The following DNAH9 variants were observed in gnomAD, a reference collection of about 807,000 sequenced individuals.
DNAH9 encodes DNAH9 variant protein.
Under a neutral mutation model 471.6 loss-of-function variants are expected in DNAH9, and 345 were observed. That is an observed-to-expected ratio of 0.73 (90% confidence interval 0.67 to 0.80). The LOEUF (loss-of-function observed/expected upper bound fraction) is 0.80. DNAH9 is among the 30% of genes least tolerant of loss of function. DNAH9 has a pLI of 0.00. For missense variants in DNAH9, 5,407 were observed against 5,609.2 expected, an observed-to-expected ratio of 0.96 and a Z score of 1.15; for synonymous variants, 2,093 against 2,123.6, an observed-to-expected ratio of 0.99 and a Z score of 0.40.
In DNAH9 at chr17:11,871,688, C is replaced by A; in HGVS notation, c.10144C>A (p.Leu3382Ile). 1 of 1,614,200 alleles carries A rather than the reference C, an allele frequency of 6.2e-7. No homozygotes were observed. Among genetic ancestry groups the A allele is most frequent in the South Asian group, 1.1e-5 (1 of 91,088 alleles). ...QERTLCGDILLITAFISYLGF... is the reference protein window; with the variant it reads ...QERTLCGDILIITAFISYLGF... ...AAGGACGTTATGTGGAGACATTTTA[C>A]TTATAACGGCTTTCATTTCCTACCT... Residue 3382 changes from leucine to isoleucine, a missense_variant, in exon 52 of 69, where the codon CTT becomes ATT. Coordinates refer to ENST00000262442, the MANE Select transcript of DNAH9 (RefSeq NM_001372.4).
chr17:11,830,445 G>T (rs1160383618), intron 48 of DNAH9, among the ~76,000 whole-genome samples: 2 of 152,146 alleles, frequency 1.3e-5, no homozygotes, highest in African/African-American at 4.8e-5. Flanking sequence ...TTTATCTTGG[G>T]GTTTTCAAAT....
At chr17:11,881,910 C>A (rs1184668994) in intron 55 of DNAH9, among the ~76,000 whole-genome samples, 3 of 149,542 alleles carry the variant, frequency 2.0e-5, no homozygotes. Flanking sequence ...GGTTCTGTCT[C>A]AAAAAAAAGA....
intron 67 of DNAH9, among the ~76,000 whole-genome samples, chr17:11,942,873 C>T (rs185170191): frequency 1.7e-4 from 26 of 150,594 alleles, no homozygotes; most frequent in Admixed American, 1.5e-3. Context: ...TGACTGCTGT[C>T]GATTTACATT....
chr17:11,849,179 G>A lies in DNAH9; in HGVS notation c.9508-4824G>A, dbSNP rs1310225432. 3.9e-5 allele frequency among the ~76,000 whole-genome samples: 6 copies of A among 152,104 alleles called. No homozygotes were observed. The East Asian group carries it at 5.8e-4, about 15-fold the overall frequency. ...TCATAAGTTCTGCCTACACTAGCTC[G>A]AAAATATGTCCCAAATCCAATCACT... On this transcript the variant is annotated intron_variant, in intron 49 of 68. Transcript: ENST00000262442.
intron 28 of DNAH9, among the ~76,000 whole-genome samples, chr17:11,728,894 T>C (rs981113994): frequency 2.6e-5 from 4 of 152,208 alleles, no homozygotes; most frequent in Non-Finnish European, 4.4e-5. Flanking sequence ...GGGTAGACTT[T>C]TGGAAAGTGG....
At chr17:11,868,430 A>T (rs961120955) in intron 50 of DNAH9, among the ~76,000 whole-genome samples, 7 of 152,248 alleles carry the variant, frequency 4.6e-5, no homozygotes, top group African/African-American at 1.4e-4. Flanking sequence ...TCAGAGGACA[A>T]CAAAAGCTAC....
chr17:11,749,538 G>A (rs1051285125), intron 32 of DNAH9, among the ~76,000 whole-genome samples: 3 of 150,904 alleles, frequency 2.0e-5, no homozygotes, highest in Admixed American at 6.6e-5. Context: ...TTTAGCATCT[G>A]GGATTTCTAT....
intron 45 of DNAH9, among the ~76,000 whole-genome samples, chr17:11,817,000 A>T (rs1970121797): frequency 1.3e-5 from 2 of 152,072 alleles, no homozygotes; most frequent in Non-Finnish European, 2.9e-5. Flanking sequence ...CAGAGCTTGC[A>T]GTGAGCCGAG....
intron 68 of DNAH9, among the ~76,000 whole-genome samples, chr17:11,963,547 C>T (rs1019909160): frequency 5.9e-5 from 9 of 151,844 alleles, no homozygotes; most frequent in Non-Finnish European, 1.2e-4. Flanking sequence ...AACTAACTAT[C>T]CGGTACTATG....
intron 8 of DNAH9, among the ~76,000 whole-genome samples, chr17:11,633,093 G>A (rs920109124): frequency 3.9e-5 from 6 of 152,096 alleles, no homozygotes; most frequent in African/African-American, 7.2e-5. Context: ...TTCAGGCATC[G>A]ATAACTGGAA....
In DNAH9 at chr17:11,717,894, G is replaced by A. The variant is rs369174923; in HGVS notation, c.5553-1440G>A. Reference sequence around the variant, plus strand: ...TGACAACATATAATCTCTTTTTTGAGACAGGGTTTCACTGTGTCACCCAGG... The same window carrying A: ...TGACAACATATAATCTCTTTTTTGAAACAGGGTTTCACTGTGTCACCCAGG... On this transcript the variant is annotated intron_variant, in intron 26 of 68. Transcript: ENST00000262442. 1.4e-4 allele frequency among the ~76,000 whole-genome samples: 22 copies of A among 152,032 alleles called. No homozygotes were observed. In the East Asian group the frequency reaches 4.2e-3, roughly 29 times the overall value.
At chr17:11,631,538 G>C (rs192775605) in intron 7 of DNAH9, among the ~76,000 whole-genome samples, 50 of 152,060 alleles carry the variant, frequency 3.3e-4, no homozygotes, top group Admixed American at 5.9e-4. Flanking sequence ...TCAATTACTT[G>C]GGAGGCTGAG....
chr17:11,969,663 A>G lies in DNAH9; in HGVS notation c.*136A>G. 1 of 755,720 alleles carries G rather than the reference A, an allele frequency of 1.3e-6. No individual in the cohort carries two copies. Among genetic ancestry groups the G allele is most frequent in the Non-Finnish European group, 2.1e-6 (1 of 479,820 alleles). The allele number at this position is 755,720 out of a possible 1,614,324, so 46.8% of individuals were successfully genotyped here. A position where few individuals can be genotyped will look rare whatever the true frequency, so the allele number is the denominator to read the frequency against. ...ACTCACAATTCTGTAGAATTCCTCT[A>G]GGGAACTTGGAGAGGTGTGCCTAAG... On this transcript the variant is annotated 3_prime_UTR_variant, in exon 69 of 69. Transcript: ENST00000262442.
At position 11,784,337 on chromosome 17, in the gene DNAH9, C is replaced by A. The variant is rs1364551620; in HGVS notation, c.7859C>A (p.Ala2620Glu). Reference protein sequence around the residue: ...FSVFVLSFPGADALSSIYSII... With the variant: ...FSVFVLSFPGEDALSSIYSII... ...GTGTTTGTCCTCTCCTTCCCGGGGG[C>A]AGATGCCCTGTCCTCTATCTACAGC... The change falls in exon 41 of 69, where the codon GCA becomes GAA. Residue 2620 changes from alanine (A) to glutamate (E), a missense_variant. By Grantham distance (107) the Ala-to-Glu change is moderately radical (BLOSUM62 -1). Transcript: ENST00000262442. The A allele has an allele frequency of 4.3e-6, 7 of 1,614,112 alleles. No individual in the cohort carries two copies. The highest frequency in any genetic ancestry group is 5.1e-6 in the Non-Finnish European group (6 of 1,180,042).
At chr17:11,811,821 C>T (rs1343680599) in intron 45 of DNAH9, among the ~76,000 whole-genome samples, 1 of 150,464 alleles carries the variant, frequency 6.6e-6, no homozygotes, top group Non-Finnish European at 1.5e-5. Flanking sequence ...CCAATATCTC[C>T]AATGCTCTTC....
At chr17:11,708,012 CACAG>C (rs1354503689) in intron 26 of DNAH9, among the ~76,000 whole-genome samples, 73 of 50,088 alleles carry the variant, frequency 1.5e-3, no homozygotes, top group African/African-American at 4.5e-3. Context: ...CACACACACA[CACAG>C]AGAGAGAGAG....
chr17:11,881,398 C>T lies in DNAH9; in HGVS notation c.10791C>T (p.Asp3597=), dbSNP rs752921237. The T allele has an allele frequency of 5.0e-6, 8 of 1,612,910 alleles. No homozygotes were observed. The highest frequency in any genetic ancestry group is 1.3e-5 in the African/African-American group (1 of 74,894). Reference sequence around the variant, plus strand: ...CTGTGGTCAGCATGGAGAGGCCAGACTTGGAGCAGCTGAAGGTGAGGACAG... The same window carrying T: ...CTGTGGTCAGCATGGAGAGGCCAGATTTGGAGCAGCTGAAGGTGAGGACAG... ...LAAVVSMERP[D]LEQLKSDLTK... The change falls in exon 55 of 69, where the codon GAC becomes GAT. Residue 3597 remains aspartate, a synonymous_variant. Coordinates refer to ENST00000262442, the MANE Select transcript of DNAH9 (RefSeq NM_001372.4).
At chr17:11,881,831 G>A (rs1434093973) in intron 55 of DNAH9, among the ~76,000 whole-genome samples, 1 of 151,992 alleles carries the variant, frequency 6.6e-6, no homozygotes, top group Admixed American at 6.6e-5. Flanking sequence ...AGAATCTCTT[G>A]AACCCGGGAG....
intron 65 of DNAH9, among the ~76,000 whole-genome samples, chr17:11,935,266 G>A (rs111658881): frequency 0.011 from 1,723 of 149,944 alleles, 31 homozygotes; most frequent in African/African-American, 0.039. Context: ...CCGGCCTCAT[G>A]GAGGTTTTCT....
Sources: allele counts gnomAD v4.1 joint callset (sites outside exome capture counted in the v4.1 genomes callset), GRCh38; gene constraint gnomAD v4.1.1; transcripts MANE v1.5; gene names NCBI Gene and HGNC (gene_info 2026-07-23, HGNC 2026-07-21).